The following INTS6 variants were observed in gnomAD, a reference collection of about 807,000 sequenced individuals.
INTS6 encodes the protein integrator complex subunit 6, also known as DEAD box protein.
A neutral mutation model predicts 104.9 loss-of-function variants in INTS6; 16 were observed. The ratio of observed to expected loss-of-function variants is 0.15; its 90% CI spans 0.10 to 0.23. The LOEUF is 0.23. INTS6 is among the 10% of genes least tolerant of loss of function. INTS6 has a pLI of 1.00. For missense variants in INTS6, 584 were observed against 1,062.8 expected (o/e 0.55, Z 6.26); for synonymous variants, 324 against 358.7 (o/e 0.90, Z 1.09).
intron 15 of INTS6, among the ~76,000 whole-genome samples, chr13:51,370,382 C>T (rs1209428629): frequency 6.6e-6 from 1 of 152,206 alleles, no homozygotes; most frequent in African/African-American, 2.4e-5. Context: ...GCTGTCTCTC[C>T]TTATCACTAT....
intron 15 of INTS6, among the ~76,000 whole-genome samples, chr13:51,373,517 T>C (rs1489143302): frequency 6.6e-6 from 1 of 152,224 alleles, no homozygotes; most frequent in Non-Finnish European, 1.5e-5. Flanking sequence ...TTCCATAATC[T>C]GGCTTCTATC....
chr13:51,430,924 T>C (rs547979542), intron 3 of INTS6, among the ~76,000 whole-genome samples: 2 of 152,250 alleles, frequency 1.3e-5, no homozygotes, highest in East Asian at 3.9e-4. Flanking sequence ...TCAGCAAAAA[T>C]TTAACAACAG....
chr13:51,367,950 TTATTCAA>T (rs777104791), intron 16 of INTS6, 52 bp from the exon 17 acceptor site: 6 of 933,466 alleles, frequency 6.4e-6, no homozygotes, highest in Admixed American at 2.8e-5. Context: ...ATTTGTATTC[TTATTCAA>T]TATTCTTCTT....
chr13:51,344,628 G>T, the INTS6 span: 9 of 669,462 alleles, frequency 1.3e-5, no homozygotes, highest in Middle Eastern at 3.6e-4. Context: ...TCCTACCCTT[G>T]AATGACAAGG....
At chr13:51,341,456 G>T in the INTS6 span, 86 of 1,100,272 alleles carry the variant, frequency 7.8e-5, no homozygotes, top group Middle Eastern at 8.8e-4. Flanking sequence ...AGCTTACCCT[G>T]CTGCTCATAC....
In INTS6 at chr13:51,362,162, T is replaced by C; in HGVS notation, c.*3590A>G. The C allele has an allele frequency of 1.1e-6, 1 of 923,028 alleles. No homozygotes were observed. 57.2% of individuals were successfully genotyped at this position (923,028 alleles called of 1,614,324 possible). A position where few individuals can be genotyped will look rare whatever the true frequency, so the allele number is the denominator to read the frequency against. ...ATTTTTTTTTTTAATGCTATAGGTTTCTACTTCTGAAGACACTTGGAAAAA... is the reference window on the plus strand; with the variant it reads ...ATTTTTTTTTTTAATGCTATAGGTTCCTACTTCTGAAGACACTTGGAAAAA... On this transcript the variant is annotated 3_prime_UTR_variant, in exon 18 of 18. Transcript: ENST00000311234.
intron 3 of INTS6, chr13:51,440,177 G>C (rs9526761): frequency 0.12 from 17,868 of 151,874 alleles, 1,317 homozygotes; most frequent in South Asian, 0.21. Context: ...CGTGAACCCA[G>C]GAGGCAGAGC....
intron 7 of INTS6, chr13:51,385,337 G>A (rs2137928458): frequency 6.6e-6 from 1 of 152,288 alleles, no homozygotes; most frequent in South Asian, 2.1e-4. Context: ...CATGCCCATA[G>A]ATGGGTAATG....
At chr13:51,349,334 G>T (rs1286178449), downstream of INTS6, among the ~76,000 whole-genome samples, 1 of 152,190 alleles carries the variant, frequency 6.6e-6, no homozygotes, top group African/African-American at 2.4e-5. Flanking sequence ...GGTCTAAAGT[G>T]AGATCTGGCA....
intron 3 of INTS6, 149 bp from the exon 4 acceptor site, chr13:51,430,532 A>G: frequency 1.8e-6 from 1 of 542,300 alleles, no homozygotes; most frequent in South Asian, 3.0e-5. Context: ...TTAAGAAAAG[A>G]TATAGAACGA....
Position 51,369,064 on chromosome 13 carries a change from G to A in INTS6, c.2351C>T (p.Ala784Val), listed in dbSNP as rs376152443. The change falls in exon 16 of 18, where the codon GCT (alanine) becomes GTT (valine). Residue 784 changes from alanine to valine, a missense_variant. Physicochemically the swap from Ala to Val is moderately conservative, Grantham distance 64. Coordinates refer to ENST00000311234, the MANE Select transcript of INTS6 (RefSeq NM_012141.3). ...HEEPRDKEQC[A>V]EENIPASSLN... ...TGAAGATGCTGGTATGTTCTCTTCA[G>A]CACATTGTTCTTTATCTCTTGGCTC... 1.1e-5 allele frequency: 18 copies of A among 1,613,578 alleles called. No individual in the cohort carries two copies. Among genetic ancestry groups the A allele is most frequent in the Admixed American group, 3.3e-5 (2 of 59,954 alleles).
chr13:51,375,913 C>T (rs1593674433), intron 13 of INTS6, 135 bp downstream of exon 13: 3 of 686,152 alleles, frequency 4.4e-6, no homozygotes, highest in Non-Finnish European at 6.5e-6. Flanking sequence ...TCACCTTTTA[C>T]TTCATTTGTT....
chr13:51,360,428 T>C (rs904293076), downstream of INTS6, among the ~76,000 whole-genome samples: 5 of 152,034 alleles, frequency 3.3e-5, no homozygotes, highest in Non-Finnish European at 7.4e-5. Context: ...AATGAAAGGA[T>C]TGGACTGAAT....
At position 51,378,405 on chromosome 13, in the gene INTS6, A is replaced by G. The variant is rs762406585; in HGVS notation, c.1436T>C (p.Val479Ala). 3.7e-6 allele frequency: 6 copies of G among 1,613,446 alleles called. No individual in the cohort carries two copies. In the Admixed American group the frequency reaches 1.0e-4, roughly 27 times the overall value. The change falls in exon 12 of 18, where the codon GTA (valine) becomes GCA (alanine). Residue 479 changes from valine (V) to alanine (A), a missense_variant. Physicochemically the swap from Val to Ala is moderately conservative, Grantham distance 64. Coordinates refer to ENST00000311234, the MANE Select transcript of INTS6 (RefSeq NM_012141.3). ...CCGGACTTTTATTCCAGTCTCCTGT[A>G]CTACTTTTTTGCCTACAGATCCAAT... Reference protein sequence around the residue: ...RVIGSVGKKVVQETGIKVRSR... With the variant: ...RVIGSVGKKVAQETGIKVRSR...
At chr13:51,446,174 A>G (rs1271638422) in intron 3 of INTS6, 1 of 152,232 alleles carries the variant, frequency 6.6e-6, no homozygotes, top group Non-Finnish European at 1.5e-5. Flanking sequence ...TTTATCTGAT[A>G]AGGGATTAAT....
In INTS6 at chr13:51,395,467, T is replaced by C. The variant is rs1488575845; in HGVS notation, c.446A>G (p.Asn149Ser). 6.2e-7 allele frequency: 1 copy of C among 1,611,022 alleles called. No individual in the cohort carries two copies. Among genetic ancestry groups the C allele is most frequent in the Admixed American group, 1.7e-5 (1 of 59,274 alleles). Reference protein sequence around the residue: ...GVQDELHLPLNSPLPGSELTK... With the variant: ...GVQDELHLPLSSPLPGSELTK... ...CAATTCACTTCCAGGCAAAGGAGAATTAAGAGGTAAATGAAGCTGAAAGTA... is the reference window on the plus strand; with the variant it reads ...CAATTCACTTCCAGGCAAAGGAGAACTAAGAGGTAAATGAAGCTGAAAGTA... Residue 149 changes from asparagine (N) to serine (S), a missense_variant, in exon 5 of 18, where the codon AAT becomes AGT. Transcript: ENST00000311234.
chr13:51,392,095 T>A (rs747073957), intron 5 of INTS6, among the ~76,000 whole-genome samples: 1 of 152,190 alleles, frequency 6.6e-6, no homozygotes, highest in Non-Finnish European at 1.5e-5. Context: ...AAAGCTAGCA[T>A]AGAACAAAGT....
intron 10 of INTS6, among the ~76,000 whole-genome samples, chr13:51,380,213 A>C (rs978212278): frequency 1.3e-5 from 2 of 152,178 alleles, no homozygotes; most frequent in African/African-American, 4.8e-5. Context: ...GGAGGAAAAA[A>C]CAATCTAATA....
At chr13:51,371,580 G>A (rs1348484871) in intron 15 of INTS6, among the ~76,000 whole-genome samples, 1 of 151,886 alleles carries the variant, frequency 6.6e-6, no homozygotes, top group Non-Finnish European at 1.5e-5. Flanking sequence ...CCCCAGACTT[G>A]CATTTGGAAT....
Sources: allele counts gnomAD v4.1 joint callset (sites outside exome capture counted in the v4.1 genomes callset), GRCh38; gene constraint gnomAD v4.1.1; transcripts MANE v1.5; gene names NCBI Gene and HGNC (gene_info 2026-07-23, HGNC 2026-07-21).